WIPF1: variants seen among roughly 807,000 people sequenced by gnomAD.
WIPF1 encodes WAS/WASL interacting protein family member 1, also known as WAS/WASL-interacting protein family member 1.
In WIPF1, 13 loss-of-function variants were observed where a neutral mutation model predicts 35.4. The observed-to-expected ratio is 0.37, with a 90% CI of 0.24 to 0.58. WIPF1 has a LOEUF of 0.58. Ranked by LOEUF, WIPF1 falls within the 20% of genes least tolerant of loss-of-function variation. WIPF1 has a pLI of 0.74. For synonymous variants in WIPF1, 267 were observed against 266.3 expected (o/e 1.00, Z -0.02); for missense variants, 591 against 667.0 (o/e 0.89, Z 1.25).
intron 1 of WIPF1, among the ~76,000 whole-genome samples, chr2:174,608,213 G>GA (rs1224232734): frequency 5.3e-5 from 8 of 151,742 alleles, no homozygotes; most frequent in Admixed American, 3.9e-4. Flanking sequence ...AAACTAGGGT[G>GA]AAAAAAAAGA....
chr2:174,644,744 G>C, intron 1 of WIPF1, among the ~76,000 whole-genome samples: 1 of 152,222 alleles, frequency 6.6e-6, no homozygotes, highest in East Asian at 1.9e-4. Flanking sequence ...AAAGAGTTGA[G>C]GAGCTCAATT....
intron 1 of WIPF1, among the ~76,000 whole-genome samples, chr2:174,661,035 C>T (rs1303343683): frequency 1.3e-5 from 2 of 152,360 alleles, no homozygotes; most frequent in Non-Finnish European, 2.9e-5. Context: ...AATATCTTCC[C>T]TGCATTGCAC....
chr2:174,567,218 G>T (rs1372974520), intron 6 of WIPF1, 35 bp from the exon 7 acceptor site: 2 of 1,578,138 alleles, frequency 1.3e-6, no homozygotes, highest in African/African-American at 2.7e-5. Flanking sequence ...TTCAGTGACA[G>T]ACAATGTGCT....
chr2:174,653,741 C>CAA (rs1175251483), intron 1 of WIPF1, among the ~76,000 whole-genome samples: 1,943 of 57,694 alleles, frequency 0.034, 65 homozygotes, highest in African/African-American at 0.1. Context: ...GCCTCTGTCT[C>CAA]AAAAAAAAAA....
rs752497975 is a variant in WIPF1, at chr2:174,581,478, G to A, written c.52-39C>T. ...ATACAAACAAGTAGTCATCTCTTGG[G>A]TTAAAATCATGCATTGTAACACTCG... On this transcript the variant is annotated intron_variant, in intron 2 of 7. Coordinates refer to ENST00000679041, the MANE Select transcript of WIPF1 (RefSeq NM_001375834.1). 13 of 1,605,602 alleles carry A rather than the reference G, an allele frequency of 8.1e-6. No individual in the cohort carries two copies. In the Admixed American group the frequency reaches 1.0e-4, roughly 13 times the overall value.
upstream of WIPF1, among the ~76,000 whole-genome samples, chr2:174,599,792 A>ACTCTCT (rs3049904): frequency 0.03 from 4,513 of 148,600 alleles, 93 homozygotes; most frequent in Middle Eastern, 0.045. Context: ...ACACACACAC[A>ACTCTCT]CTCTCTCTCT....
rs115647576 is a variant in WIPF1 at position 174,663,784 on chromosome 2, T to C, written c.-39+18990A>G. 6.7e-3 allele frequency among the ~76,000 whole-genome samples: 1,019 copies of C among 152,286 alleles called. 14 individuals carry two copies. Among genetic ancestry groups the C allele is most frequent in the African/African-American group, 0.024 (989 of 41,554 alleles). On this transcript the variant is annotated intron_variant, in intron 1 of 8. Coordinates refer to the WIPF1 transcript ENST00000272746. ...TCAGCAGCACTAGTGCCTTGGATAA[T>C]CTAGAAATTGCTTCCATATGCGGGC...
intron 1 of WIPF1, among the ~76,000 whole-genome samples, chr2:174,616,852 A>G (rs1400328373): frequency 1.3e-5 from 2 of 152,100 alleles, no homozygotes; most frequent in African/African-American, 4.8e-5. Flanking sequence ...ATTCTTTTCA[A>G]TCCTGGCTTT....
intron 1 of WIPF1, among the ~76,000 whole-genome samples, chr2:174,613,029 T>C (rs191514646): frequency 3.9e-5 from 6 of 152,226 alleles, no homozygotes; most frequent in African/African-American, 1.4e-4. Flanking sequence ...CTGTAAGAAA[T>C]GTTTCTATCC....
chr2:174,682,064 A>T (rs1469840747), intron 1 of WIPF1, among the ~76,000 whole-genome samples: 1 of 152,248 alleles, frequency 6.6e-6, no homozygotes, highest in African/African-American at 2.4e-5. Flanking sequence ...TATAGTAGAA[A>T]AAGGTAGGGG....
intron 1 of WIPF1, among the ~76,000 whole-genome samples, chr2:174,588,622 G>A (rs905506927): frequency 2.0e-5 from 3 of 152,202 alleles, no homozygotes; most frequent in African/African-American, 7.2e-5. Context: ...GGGAGGGCGT[G>A]TTAACTTCAT....
At chr2:174,598,591 A>C (rs1306722250), upstream of WIPF1, among the ~76,000 whole-genome samples, 5 of 152,194 alleles carry the variant, frequency 3.3e-5, no homozygotes, top group Non-Finnish European at 7.3e-5. Context: ...GATTGCTGGG[A>C]TTACAGGCTT....
At chr2:174,576,565 T>C (rs1685070655) in intron 3 of WIPF1, among the ~76,000 whole-genome samples, 1 of 152,212 alleles carries the variant, frequency 6.6e-6, no homozygotes, top group Non-Finnish European at 1.5e-5. Context: ...TTCTTTGCAA[T>C]TTGAGAGGGT....
intron 6 of WIPF1, among the ~76,000 whole-genome samples, chr2:174,567,493 C>T (rs898783734): frequency 6.6e-6 from 1 of 152,220 alleles, no homozygotes; most frequent in African/African-American, 2.4e-5. Context: ...CAGAGATAGG[C>T]AACTTAGTAT....
intron 1 of WIPF1, among the ~76,000 whole-genome samples, chr2:174,616,461 C>A (rs1361903917): frequency 6.6e-6 from 1 of 152,112 alleles, no homozygotes; most frequent in Non-Finnish European, 1.5e-5. Flanking sequence ...CCACTCTGAG[C>A]CTCCATCACA....
At chr2:174,668,422 G>C (rs559846890) in intron 1 of WIPF1, among the ~76,000 whole-genome samples, 3 of 152,108 alleles carry the variant, frequency 2.0e-5, no homozygotes, top group African/African-American at 7.2e-5. Flanking sequence ...AAAAGGGTGT[G>C]CATTTTTCAG....
At chr2:174,668,773 GGA>G (rs1197098745) in intron 1 of WIPF1, among the ~76,000 whole-genome samples, 1 of 152,152 alleles carries the variant, frequency 6.6e-6, no homozygotes, top group African/African-American at 2.4e-5. Flanking sequence ...ACAAACAGAG[GGA>G]CATGAACAAC....
chr2:174,666,353 A>G (rs1312470841), intron 1 of WIPF1, among the ~76,000 whole-genome samples: 1 of 152,176 alleles, frequency 6.6e-6, no homozygotes, highest in Non-Finnish European at 1.5e-5. Context: ...TATACAATGT[A>G]AGGTTCCTTG....
At chr2:174,583,133 C>T (rs979150961) in intron 2 of WIPF1, among the ~76,000 whole-genome samples, 6 of 152,300 alleles carry the variant, frequency 3.9e-5, no homozygotes, top group African/African-American at 9.6e-5. Flanking sequence ...CCCAACACAC[C>T]GCTGAAGCAT....
Sources: allele counts gnomAD v4.1 joint callset (sites outside exome capture counted in the v4.1 genomes callset), GRCh38; gene constraint gnomAD v4.1.1; transcripts MANE v1.5; gene names NCBI Gene and HGNC (gene_info 2026-07-23, HGNC 2026-07-21).